The following ADARB2 variants were observed in gnomAD, a reference collection of about 807,000 sequenced individuals.
The protein encoded by ADARB2 is inactive double-stranded RNA-specific editase B2.
A neutral mutation model predicts 62.2 loss-of-function variants in ADARB2; 25 were observed. That is an observed-to-expected ratio of 0.40 (90% CI 0.29 to 0.56). The LOEUF is 0.56. Ranked by LOEUF, ADARB2 falls within the 20% of genes least tolerant of loss-of-function variation. The probability of loss-of-function intolerance (pLI) is 0.43; values close to 1 mark genes in which losing one functional copy is unlikely to be tolerated. For missense variants in ADARB2, 1,071 were observed against 1,077.4 expected, an observed-to-expected ratio of 0.99 and a Z score of 0.08; for synonymous variants, 572 against 500.8, an observed-to-expected ratio of 1.14 and a Z score of -1.90.
chr10:1,451,607 A>T (rs74122636), intron 1 of ADARB2, among the ~76,000 whole-genome samples: 54 of 151,562 alleles, frequency 3.6e-4, no homozygotes, highest in African/African-American at 1.3e-3. Context: ...CACCTGTATA[A>T]GGAGGGGACA....
At chr10:1,236,390 T>C (rs1292552549) in intron 5 of ADARB2, among the ~76,000 whole-genome samples, 2 of 5,924 alleles carry the variant, frequency 3.4e-4, no homozygotes, top group Admixed American at 2.0e-3. Context: ...CCTCCCGGTG[T>C]TTACTCCCCC....
chr10:1,440,902 G>A (rs530202527), intron 1 of ADARB2, among the ~76,000 whole-genome samples: 3 of 152,196 alleles, frequency 2.0e-5, no homozygotes, highest in Admixed American at 2.0e-4. Context: ...ACATGACAAC[G>A]AAAATTCATG....
intron 1 of ADARB2, among the ~76,000 whole-genome samples, chr10:1,387,518 A>G (rs967531690): frequency 6.6e-6 from 1 of 152,052 alleles, no homozygotes; most frequent in Non-Finnish European, 1.5e-5. Flanking sequence ...CAATGGGAAC[A>G]TTCTTTGAAA....
intron 1 of ADARB2, among the ~76,000 whole-genome samples, chr10:1,492,278 T>A (rs1448732574): frequency 6.6e-6 from 1 of 152,052 alleles, no homozygotes; most frequent in African/African-American, 2.4e-5. Context: ...AGAAAATACA[T>A]GTTGGTGTCC....
chr10:1,204,403 C>T (rs1301907850), intron 7 of ADARB2, among the ~76,000 whole-genome samples: 1 of 152,224 alleles, frequency 6.6e-6, no homozygotes, highest in Non-Finnish European at 1.5e-5. Flanking sequence ...CACGGCAAAG[C>T]AGAAATGGGA....
intron 1 of ADARB2, among the ~76,000 whole-genome samples, chr10:1,458,980 A>C (rs1199185641): frequency 1.3e-5 from 2 of 152,344 alleles, no homozygotes; most frequent in South Asian, 2.1e-4. Flanking sequence ...GCAAATAAAA[A>C]CTGTAATGAG....
At chr10:1,564,092 C>T (rs563113159) in intron 1 of ADARB2, among the ~76,000 whole-genome samples, 30 of 151,994 alleles carry the variant, frequency 2.0e-4, no homozygotes, top group Non-Finnish European at 3.7e-4. Context: ...AATAAACATA[C>T]GTGTGCAGGT....
chr10:1,341,005 CCCTGT>C, intron 3 of ADARB2, among the ~76,000 whole-genome samples: 1 of 151,300 alleles, frequency 6.6e-6, no homozygotes, highest in East Asian at 2.0e-4. Flanking sequence ...CACCAGAGAA[CCCTGT>C]GCCCCACATC....
intron 1 of ADARB2, among the ~76,000 whole-genome samples, chr10:1,522,459 C>A (rs1832084612): frequency 6.6e-6 from 1 of 152,174 alleles, no homozygotes; most frequent in Admixed American, 6.5e-5. Context: ...TCCTGCAAAC[C>A]AGAAACCAGT....
intron 3 of ADARB2, among the ~76,000 whole-genome samples, chr10:1,346,823 A>G (rs1473561882): frequency 6.6e-6 from 1 of 152,240 alleles, no homozygotes; most frequent in Non-Finnish European, 1.5e-5. Flanking sequence ...ATTGGTTTGG[A>G]AAGCTAGAAT....
At chr10:1,469,934 A>C (rs1192850498) in intron 1 of ADARB2, among the ~76,000 whole-genome samples, 1 of 152,260 alleles carries the variant, frequency 6.6e-6, no homozygotes, top group Non-Finnish European at 1.5e-5. Context: ...CTCCTAGGGA[A>C]TGATGGGAGT....
chr10:1,647,539 G>A (rs1410894761), intron 1 of ADARB2, among the ~76,000 whole-genome samples: 3 of 152,062 alleles, frequency 2.0e-5, no homozygotes, highest in Admixed American at 6.6e-5. Context: ...GTGTGTTTAT[G>A]TGAGTATACA....
rs539836361 is a variant in ADARB2, at chr10:1,422,547, G to C, written c.101-43387C>G. Among the ~76,000 whole-genome samples, 158 of 152,282 alleles carry C rather than the reference G, an allele frequency of 1.0e-3. 1 individual carries two copies. Among genetic ancestry groups the C allele is most frequent in the African/African-American group, 3.4e-3 (143 of 41,542 alleles). ...CACTGGTCTTGGGGCAGGGAGAGGA[G>C]CCCGTAGGTCACAATGGCCTTGGTG... On this transcript the variant is annotated intron_variant, in intron 1 of 9. Coordinates refer to ENST00000381312, the MANE Select transcript of ADARB2 (RefSeq NM_018702.4).
At chr10:1,707,974 T>G (rs1834910287) in intron 1 of ADARB2, among the ~76,000 whole-genome samples, 1 of 152,050 alleles carries the variant, frequency 6.6e-6, no homozygotes, top group Non-Finnish European at 1.5e-5. Context: ...GTATTCAGAG[T>G]TGTTAACATT....
intron 1 of ADARB2, among the ~76,000 whole-genome samples, chr10:1,615,846 C>G (rs942724819): frequency 1.3e-5 from 2 of 152,204 alleles, no homozygotes; most frequent in African/African-American, 2.4e-5. Context: ...GTGCTCCTAC[C>G]CAGTGGGGCA....
chr10:1,208,589 G>C (rs1364340254), intron 7 of ADARB2, among the ~76,000 whole-genome samples: 2 of 152,226 alleles, frequency 1.3e-5, no homozygotes, highest in African/African-American at 4.8e-5. Flanking sequence ...AGGTGCCTCA[G>C]GGACATGGGA....
chr10:1,407,370 C>T (rs1270981784), intron 1 of ADARB2, among the ~76,000 whole-genome samples: 1 of 152,214 alleles, frequency 6.6e-6, no homozygotes, highest in East Asian at 1.9e-4. Flanking sequence ...TGAGCCACTG[C>T]TACTCCTGAA....
At chr10:1,563,217 C>T (rs776723002) in intron 1 of ADARB2, among the ~76,000 whole-genome samples, 10 of 152,072 alleles carry the variant, frequency 6.6e-5, no homozygotes, top group Non-Finnish European at 1.3e-4. Flanking sequence ...TGACCTCTGT[C>T]CCTGCGACTC....
At chr10:1,366,595 G>T (rs570046736) in intron 2 of ADARB2, among the ~76,000 whole-genome samples, 1 of 152,334 alleles carries the variant, frequency 6.6e-6, no homozygotes, top group Non-Finnish European at 1.5e-5. Context: ...TACTGAGGTT[G>T]CAGAGTTTAT....
Sources: allele counts gnomAD v4.1 joint callset (sites outside exome capture counted in the v4.1 genomes callset), GRCh38; gene constraint gnomAD v4.1.1; transcripts MANE v1.5; gene names NCBI Gene and HGNC (gene_info 2026-07-23, HGNC 2026-07-21).